Variants in SMARCA2 observed in about 807,000 individuals in gnomAD.
SMARCA2 encodes the protein SWI/SNF related BAF chromatin remodeling complex subunit ATPase 2.
A neutral mutation model predicts 199.8 loss-of-function variants in SMARCA2; 61 were observed. The observed-to-expected ratio is 0.31, with a 90% CI of 0.25 to 0.38. The LOEUF (loss-of-function observed/expected upper bound fraction) is 0.38. Among genes scored for constraint, SMARCA2 ranks in the 10% least tolerant of loss-of-function variants. The pLI is 1.00. For missense variants in SMARCA2, 1,344 were observed against 2,012.2 expected (o/e 0.67, Z 6.35); for synonymous variants, 935 against 732.0 (o/e 1.28, Z -4.48).
intron 27 of SMARCA2, among the ~76,000 whole-genome samples, chr9:2,148,083 A>C (rs1373663980): frequency 6.6e-6 from 1 of 151,688 alleles, no homozygotes; most frequent in African/African-American, 2.4e-5. Flanking sequence ...ACCAAATTCA[A>C]CAGCATTTCT....
At chr9:2,028,857 T>A in intron 1 of SMARCA2, 130 bp from the exon 2 acceptor site, 1 of 722,522 alleles carries the variant, frequency 1.4e-6, no homozygotes, top group Non-Finnish European at 2.3e-6. Context: ...CTCAAACATC[T>A]GGACTAGACA....
chr9:2,092,303 A>G (rs939499299), intron 19 of SMARCA2, among the ~76,000 whole-genome samples: 5 of 152,348 alleles, frequency 3.3e-5, no homozygotes, highest in African/African-American at 1.2e-4. Context: ...ATTCTGATAT[A>G]ATTTGTGAAA....
At chr9:2,100,013 A>C (rs901545853) in intron 21 of SMARCA2, among the ~76,000 whole-genome samples, 20 of 152,164 alleles carry the variant, frequency 1.3e-4, no homozygotes, top group Admixed American at 1.2e-3. Context: ...GCTGGAGCCT[A>C]CCGTAGATCA....
intron 28 of SMARCA2, among the ~76,000 whole-genome samples, chr9:2,167,507 CTGCCTGGTCAG>C (rs768926165): frequency 6.6e-6 from 1 of 152,206 alleles, no homozygotes; most frequent in East Asian, 1.9e-4. Flanking sequence ...CAGGAGATAC[CTGCCTGGTCAG>C]TGCCTGGTCA....
intron 27 of SMARCA2, among the ~76,000 whole-genome samples, chr9:2,145,019 G>A (rs1050221487): frequency 1.3e-5 from 2 of 152,322 alleles, no homozygotes; most frequent in South Asian, 2.1e-4. Flanking sequence ...AGAGAAACGC[G>A]CTGGTTATGG....
chr9:2,185,081 G>A (rs1416807559), intron 31 of SMARCA2, among the ~76,000 whole-genome samples: 1 of 152,086 alleles, frequency 6.6e-6, no homozygotes, highest in African/African-American at 2.4e-5. Flanking sequence ...TCAGTATACA[G>A]TTCAGTAGTG....
chr9:2,076,612 C>G (rs1016670009), intron 13 of SMARCA2, among the ~76,000 whole-genome samples: 1 of 151,954 alleles, frequency 6.6e-6, no homozygotes, highest in African/African-American at 2.4e-5. Flanking sequence ...AGGCTCACTC[C>G]TGAGCCTCAC....
Position 2,119,352 on chromosome 9 carries a change from C to A in SMARCA2, c.3685-106C>A. The stretch of plus-strand genomic sequence containing the variant: ...TCCAGCAACCCCTTCCCTTTTCTTT[C>A]TGCCTTGAGAAATGGGACCCCTCTG... On this transcript the variant is annotated intron_variant, in intron 25 of 33. Transcript: ENST00000349721. This position sits in a 1 kb window ranked among gnomAD's most constrained non-coding sequence, Gnocchi z 4.6. The A allele has an allele frequency of 1.4e-6, 1 of 712,702 alleles. No homozygotes were observed. Among genetic ancestry groups the A allele is most frequent in the Non-Finnish European group, 2.5e-6 (1 of 402,038 alleles). The allele number at this position is 712,702 out of a possible 1,614,324, so 44.1% of individuals were successfully genotyped here. A position where few individuals can be genotyped will look rare whatever the true frequency, so the allele number is the denominator to read the frequency against.
intron 9 of SMARCA2, among the ~76,000 whole-genome samples, chr9:2,063,222 C>T (rs551562200): frequency 2.6e-4 from 39 of 152,310 alleles, no homozygotes; most frequent in African/African-American, 8.7e-4. Context: ...AGGCCCTTAG[C>T]CCTTCCTGGT....
chr9:2,082,017 A>G (rs1366521198), intron 15 of SMARCA2, 22 bp downstream of exon 15: 2 of 1,605,336 alleles, frequency 1.2e-6, no homozygotes, highest in Non-Finnish European at 1.7e-6. Flanking sequence ...CATTTATTCC[A>G]CAGTCATCGT....
intron 33 of SMARCA2, 69 bp downstream of exon 33, chr9:2,191,477 C>A: frequency 6.5e-7 from 1 of 1,546,240 alleles, no homozygotes; most frequent in African/African-American, 1.4e-5. Flanking sequence ...CTTGCATTTC[C>A]ATGCCCCTTC....
intron 1 of SMARCA2, among the ~76,000 whole-genome samples, chr9:2,024,243 C>T (rs139579254): frequency 1.3e-3 from 199 of 152,286 alleles, no homozygotes; most frequent in African/African-American, 4.2e-3. Flanking sequence ...CTACCTTCTC[C>T]ATTACACTTT....
chr9:2,035,262 T>C (rs1819276577), intron 3 of SMARCA2, among the ~76,000 whole-genome samples: 1 of 152,056 alleles, frequency 6.6e-6, no homozygotes, highest in Admixed American at 6.6e-5. Flanking sequence ...GGCTGGTCTT[T>C]GAACTCCTGA....
At chr9:2,059,589 C>A (rs1017141677) in intron 8 of SMARCA2, among the ~76,000 whole-genome samples, 1 of 152,182 alleles carries the variant, frequency 6.6e-6, no homozygotes, top group African/African-American at 2.4e-5. Context: ...ATTTGCAAAT[C>A]ATTAATTTTT....
intron 30 of SMARCA2, 123 bp from the exon 31 acceptor site, chr9:2,182,018 A>G: frequency 1.3e-6 from 1 of 761,762 alleles, no homozygotes; most frequent in Non-Finnish European, 2.3e-6. Flanking sequence ...ATGCAGTCCC[A>G]GATCCCTGGC....
chr9:2,098,233 T>C (rs1822357564), intron 21 of SMARCA2, among the ~76,000 whole-genome samples: 1 of 152,214 alleles, frequency 6.6e-6, no homozygotes, highest in East Asian at 1.9e-4. Flanking sequence ...TACTGCAAAA[T>C]GGGCAGGAGA....
At position 2,058,250 on chromosome 9, in the gene SMARCA2, G is replaced by A. The variant is rs893261475; in HGVS notation, c.1348-41G>A. On this transcript the variant is annotated intron_variant, in intron 7 of 33. Coordinates refer to ENST00000349721, the MANE Select transcript of SMARCA2 (RefSeq NM_003070.5). ...GATAGCTCAGAGGACACTGGTCATTGGATTTTAAGTATCCTTTTCTTCCCT... is the reference window on the plus strand; with the variant it reads ...GATAGCTCAGAGGACACTGGTCATTAGATTTTAAGTATCCTTTTCTTCCCT... The A allele has an allele frequency of 1.0e-5, 16 of 1,567,738 alleles. No homozygotes were observed. The African/African-American group carries it at 1.9e-4, about 19-fold the overall frequency.
intron 27 of SMARCA2, among the ~76,000 whole-genome samples, chr9:2,149,046 A>G (rs1586756384): frequency 6.6e-6 from 1 of 150,940 alleles, no homozygotes; most frequent in African/African-American, 2.4e-5. Flanking sequence ...TATTAGTAAA[A>G]CCTGCCTGTA....
chr9:2,134,643 T>A (rs1274217165), intron 27 of SMARCA2, among the ~76,000 whole-genome samples: 2 of 152,218 alleles, frequency 1.3e-5, no homozygotes, highest in African/African-American at 4.8e-5. Context: ...TGGACAGGTC[T>A]CCTGACCTTC....
Sources: gnomAD v4.1 joint callset for allele counts (sites outside exome capture counted in the v4.1 genomes callset) on GRCh38, gnomAD v4.1.1 for gene constraint, Gnocchi (gnomAD v3.1) non-coding constraint, MANE v1.5 for transcripts, NCBI Gene and HGNC (gene_info 2026-07-23, HGNC 2026-07-21) for gene names.